Variants in APP observed in about 807,000 individuals in gnomAD.
The protein encoded by APP is amyloid beta precursor protein.
APP carries 31 observed loss-of-function variants against 101.4 expected under a neutral mutation model. The ratio of observed to expected loss-of-function variants is 0.31; its 90% CI spans 0.23 to 0.41. The LOEUF is 0.41. APP is among the 10% of genes least tolerant of loss of function. The pLI, the probability that APP is intolerant of heterozygous loss-of-function variation, is 1.00. For synonymous variants in APP, 366 were observed against 364.4 expected (o/e 1.00, Z -0.05); for missense variants, 839 against 1,003.7 (o/e 0.84, Z 2.22).
At chr21:25,954,252 A>G (rs1229674691) in intron 13 of APP, among the ~76,000 whole-genome samples, 1 of 152,206 alleles carries the variant, frequency 6.6e-6, no homozygotes, top group Non-Finnish European at 1.5e-5. Flanking sequence ...TTTTTTCCCC[A>G]TTAATTGTAA....
intron 11 of APP, among the ~76,000 whole-genome samples, chr21:25,959,325 C>T (rs540925089): frequency 3.3e-5 from 5 of 152,208 alleles, no homozygotes; most frequent in East Asian, 3.9e-4. Flanking sequence ...CCCAGCTACT[C>T]GGGAGGCTGA....
intron 6 of APP, among the ~76,000 whole-genome samples, chr21:26,017,848 A>T (rs2044170408): frequency 6.6e-6 from 1 of 152,230 alleles, no homozygotes; most frequent in Non-Finnish European, 1.5e-5. Context: ...GGCTTATTCC[A>T]CTAGACCAAT....
chr21:25,906,426 C>T (rs1421344042), intron 14 of APP, among the ~76,000 whole-genome samples: 27 of 152,200 alleles, frequency 1.8e-4, no homozygotes, highest in Admixed American at 1.7e-3. Flanking sequence ...ATGTTAACAT[C>T]TGCATCTTCT....
intron 3 of APP, among the ~76,000 whole-genome samples, chr21:26,078,746 A>T (rs1472789667): frequency 6.6e-6 from 1 of 151,926 alleles, no homozygotes; most frequent in African/African-American, 2.4e-5. Context: ...TTGAATGGTT[A>T]AAAAAAACAT....
At chr21:25,955,107 G>A (rs1020795817) in intron 12 of APP, among the ~76,000 whole-genome samples, 1 of 151,756 alleles carries the variant, frequency 6.6e-6, no homozygotes, top group East Asian at 1.9e-4. Flanking sequence ...AGAAAACAAC[G>A]TATTTCAATT....
intron 8 of APP, among the ~76,000 whole-genome samples, chr21:25,992,712 G>A (rs2042915685): frequency 6.6e-6 from 1 of 152,106 alleles, no homozygotes; most frequent in Admixed American, 6.5e-5. Context: ...TTTCACACTT[G>A]TTAATCTGAT....
chr21:25,972,246 T>A (rs1302835374), intron 11 of APP, among the ~76,000 whole-genome samples: 1 of 152,020 alleles, frequency 6.6e-6, no homozygotes, highest in East Asian at 1.9e-4. Context: ...AACGGCCAGA[T>A]GGAATTAAGG....
chr21:25,991,407 C>T (rs1009843602), intron 8 of APP, among the ~76,000 whole-genome samples: 2 of 152,092 alleles, frequency 1.3e-5, no homozygotes, highest in African/African-American at 4.8e-5. Context: ...GATGAAGTCT[C>T]GCTCTTGTCC....
In APP at chr21:25,881,718, G is replaced by A. The variant is rs142218254; in HGVS notation, c.2265C>T (p.Asn755=). The part of the protein sequence containing the change: ...EERHLSKMQQ[N]GYENPTYKFF... ...ACTTGTAGGTTGGATTTTCGTAGCC[G>A]TTCTGCTGCATCTTGGACAGGTGGC... The change falls in exon 18 of 18, where the codon AAC becomes AAT. Residue 755 remains asparagine, a synonymous_variant. Coordinates refer to ENST00000346798, the MANE Select transcript of APP (RefSeq NM_000484.4). 12 of 1,613,874 alleles carry A rather than the reference G, an allele frequency of 7.4e-6. No homozygotes were observed. The highest frequency in any genetic ancestry group is 6.7e-5 in the African/African-American group (5 of 74,908).
chr21:25,881,795 G>A, intron 17 of APP, 24 bp from the exon 18 acceptor site: 1 of 1,605,398 alleles, frequency 6.2e-7, no homozygotes, highest in Non-Finnish European at 8.5e-7. Flanking sequence ...GGAGAGCTGA[G>A]TAAAAAATAA....
rs555361386 is a variant in APP at position 26,161,749 on chromosome 21, T to C, written c.57+8815A>G. Among the ~76,000 whole-genome samples the C allele has an allele frequency of 1.4e-4, 22 of 152,360 alleles. No individual in the cohort carries two copies. The South Asian group carries it at 4.6e-3, about 32-fold the overall frequency. On this transcript the variant is annotated intron_variant, in intron 1 of 17. Coordinates refer to ENST00000346798, the MANE Select transcript of APP (RefSeq NM_000484.4). ...TTTACTGTAATGACAAAATTATATT[T>C]GTGTTAAACCATAATAAGCAATTGA...
At chr21:26,115,582 T>C (rs2062417651) in intron 1 of APP, among the ~76,000 whole-genome samples, 1 of 152,338 alleles carries the variant, frequency 6.6e-6, no homozygotes, top group South Asian at 2.1e-4. Context: ...CAGAAGGAAA[T>C]GTGGCCACAT....
intron 17 of APP, among the ~76,000 whole-genome samples, chr21:25,884,154 C>T (rs969731984): frequency 2.0e-5 from 3 of 152,344 alleles, no homozygotes; most frequent in South Asian, 2.1e-4. Context: ...ACTAGGACTA[C>T]AGGCATGAGC....
intron 5 of APP, among the ~76,000 whole-genome samples, chr21:26,042,874 A>G (rs2045437104): frequency 6.6e-6 from 1 of 152,140 alleles, no homozygotes; most frequent in African/African-American, 2.4e-5. Context: ...TATGGTTGCA[A>G]TACTGCACTC....
intron 3 of APP, among the ~76,000 whole-genome samples, chr21:26,077,954 CTTT>C (rs535154953): frequency 2.7e-4 from 41 of 152,262 alleles, no homozygotes; most frequent in Non-Finnish European, 5.4e-4. Flanking sequence ...TGAGAACCTT[CTTT>C]GTCAAGTACT....
intron 1 of APP, among the ~76,000 whole-genome samples, chr21:26,168,464 G>C (rs980179804): frequency 6.6e-6 from 1 of 152,144 alleles, no homozygotes; most frequent in Non-Finnish European, 1.5e-5. Context: ...GTTAACAATA[G>C]CTACTGAAAA....
In APP at chr21:26,157,126, G is replaced by A. The variant is rs868510617; in HGVS notation, c.57+13438C>T. On this transcript the variant is annotated intron_variant, in intron 1 of 17. Transcript: ENST00000346798. Reference sequence around the variant, plus strand: ...GCTCTGTTGCCCAGGCTGGAATGCAGTGGTATGATCTCGGCTCACTGCAAC... The same window carrying A: ...GCTCTGTTGCCCAGGCTGGAATGCAATGGTATGATCTCGGCTCACTGCAAC... 1.8e-4 allele frequency among the ~76,000 whole-genome samples: 28 copies of A among 152,278 alleles called. 1 individual carries two copies. The Middle Eastern group carries it at 0.01, about 55-fold the overall frequency.
chr21:26,146,462 G>A (rs574644159), intron 1 of APP, among the ~76,000 whole-genome samples: 1 of 152,178 alleles, frequency 6.6e-6, no homozygotes, highest in Non-Finnish European at 1.5e-5. Flanking sequence ...TATCTTCATA[G>A]GTTTATTGGC....
chr21:25,888,800 C>G (rs955322440), intron 17 of APP, among the ~76,000 whole-genome samples: 1 of 152,188 alleles, frequency 6.6e-6, no homozygotes, highest in Admixed American at 6.5e-5. Context: ...ATTCAGGCAG[C>G]TGGAAGAGCA....
Sources: gnomAD v4.1 joint callset for allele counts (sites outside exome capture counted in the v4.1 genomes callset) on GRCh38, gnomAD v4.1.1 for gene constraint, MANE v1.5 for transcripts, NCBI Gene and HGNC (gene_info 2026-07-23, HGNC 2026-07-21) for gene names.